TIGD4: variants seen among roughly 807,000 people sequenced by gnomAD.
The protein encoded by TIGD4 is tigger transposable element-derived protein 4.
Under a neutral mutation model 24.9 loss-of-function variants are expected in TIGD4, and 20 were observed. The observed-to-expected ratio is 0.80, with a 90% CI of 0.56 to 1.17. The LOEUF is 1.17. TIGD4 is among the 50% of genes most tolerant of loss of function. The pLI, the probability that TIGD4 is intolerant of heterozygous loss-of-function variation, is 0.00. For synonymous variants in TIGD4, 193 were observed against 211.0 expected (o/e 0.91, Z 0.74); for missense variants, 566 against 591.0 (o/e 0.96, Z 0.44).
At chr4:152,774,151 T>C (rs1578775162) in intron 1 of TIGD4, among the ~76,000 whole-genome samples, 1 of 151,824 alleles carries the variant, frequency 6.6e-6, no homozygotes, top group East Asian at 1.9e-4. Context: ...ACAGCAAGGA[T>C]TATAGAAAAA....
In TIGD4 at chr4:152,770,337, T is replaced by C. The variant is rs1157246113; in HGVS notation, c.668A>G (p.Asp223Gly). The change falls in exon 2 of 2, where the codon GAT (aspartate) becomes GGT (glycine). Residue 223 changes from aspartate to glycine, a missense_variant. Asp to Gly is a moderately conservative substitution (Grantham distance 94). Transcript: ENST00000304337. ...RITLVVGTNM[D>G]GSEKLPLLVI... is the part of the protein sequence containing the mutation. ...AAGCAAAGGAAGTTTCTCTGAGCCA[T>C]CCATGTTTGTGCCAACCACCAGAGT... is the stretch of plus-strand genomic sequence containing the variant. 3 of 1,614,128 alleles carry C rather than the reference T, an allele frequency of 1.9e-6. No homozygotes were observed. Among genetic ancestry groups the C allele is most frequent in the South Asian group, 1.1e-5 (1 of 91,074 alleles).
At chr4:152,775,505 T>G (rs1370336669) in intron 1 of TIGD4, among the ~76,000 whole-genome samples, 1 of 152,242 alleles carries the variant, frequency 6.6e-6, no homozygotes, top group African/African-American at 2.4e-5. Flanking sequence ...GTTTGCAGAA[T>G]TCAGTTCCTT....
chr4:152,772,350 A>G (rs1197004300), intron 1 of TIGD4, among the ~76,000 whole-genome samples: 1 of 152,154 alleles, frequency 6.6e-6, no homozygotes, highest in Non-Finnish European at 1.5e-5. Flanking sequence ...TATCTGTAAA[A>G]AAAAAAAGGT....
intron 1 of TIGD4, among the ~76,000 whole-genome samples, chr4:152,773,638 G>A (rs1394665149): frequency 1.8e-5 from 2 of 109,982 alleles, no homozygotes; most frequent in East Asian, 2.7e-4. Context: ...CATTTCCAAT[G>A]CCTTAAAAAA....
chr4:152,777,946 C>T (rs572837632), intron 1 of TIGD4, among the ~76,000 whole-genome samples: 1 of 152,136 alleles, frequency 6.6e-6, no homozygotes, highest in African/African-American at 2.4e-5. Context: ...AAGATTAATC[C>T]TGTGTATATA....
At position 152,769,598 on chromosome 4, in the gene TIGD4, TA is replaced by T. The variant is rs752214316; in HGVS notation, c.1406del (p.Leu469TyrfsTer8). ...CAGTTATTGCCTCAGATTTTGATGG[TA>T]AAGGGAGTTCAGTTCCTGGAGATCC... The part of the protein sequence containing the change: ...DDGSPGTELP[L>X]PSKSEAITAL... On this transcript the variant is annotated frameshift_variant, in exon 2 of 2. Coordinates refer to ENST00000304337, the MANE Select transcript of TIGD4 (RefSeq NM_145720.4). LOFTEE classifies it high-confidence loss of function. 4.8e-5 allele frequency: 78 copies of T among 1,613,810 alleles called. No homozygotes were observed. The African/African-American group carries it at 9.2e-4, about 19-fold the overall frequency.
Position 152,769,790 on chromosome 4 carries a change from C to T in TIGD4, c.1215G>A (p.Leu405=), listed in dbSNP as rs1361382098. Residue 405 remains leucine, a synonymous_variant, in exon 2 of 2, where the codon CTG becomes CTA. Coordinates refer to ENST00000304337, the MANE Select transcript of TIGD4 (RefSeq NM_145720.4). The part of the protein sequence containing the change: ...DTGLDLVADA[L]GAGVEFPEGL... ...CTTCAGGAAATTCTACTCCTGCCCCCAGAGCATCAGCAACCAAATCCAGAC... is the reference window on the plus strand; with the variant it reads ...CTTCAGGAAATTCTACTCCTGCCCCTAGAGCATCAGCAACCAAATCCAGAC... 8.1e-6 allele frequency: 13 copies of T among 1,613,416 alleles called. No individual in the cohort carries two copies. The highest frequency in any genetic ancestry group is 1.1e-5 in the Non-Finnish European group (13 of 1,179,934).
intron 1 of TIGD4, among the ~76,000 whole-genome samples, chr4:152,772,961 C>T (rs559756938): frequency 2.6e-5 from 4 of 152,244 alleles, no homozygotes; most frequent in South Asian, 2.1e-4. Flanking sequence ...CTGCCCGCCT[C>T]GGCTGCCTCC....
intron 1 of TIGD4, among the ~76,000 whole-genome samples, chr4:152,772,298 G>A (rs1435503997): frequency 2.6e-5 from 4 of 151,998 alleles, no homozygotes; most frequent in African/African-American, 9.7e-5. Context: ...GAACAGGAAG[G>A]ATAGTGACCA....
chr4:152,772,619 CTG>C (rs1730196025), intron 1 of TIGD4, among the ~76,000 whole-genome samples: 1 of 152,146 alleles, frequency 6.6e-6, no homozygotes, highest in South Asian at 2.1e-4. Flanking sequence ...TGTCTTTTGG[CTG>C]TGTGAATCTA....
At chr4:152,773,573 G>A (rs1194875647) in intron 1 of TIGD4, among the ~76,000 whole-genome samples, 1 of 148,296 alleles carries the variant, frequency 6.7e-6, no homozygotes, top group East Asian at 2.0e-4. Flanking sequence ...ACACTGGTGG[G>A]ACCTCCTGTG....
Position 152,771,022 on chromosome 4 carries a change from T to C in TIGD4, c.-18A>G. On this transcript the variant is annotated 5_prime_UTR_variant, in exon 2 of 2. Coordinates refer to ENST00000304337, the MANE Select transcript of TIGD4 (RefSeq NM_145720.4). ...TCTGCCATCTCAGCCAGTGCTTATG[T>C]AGAGATTACTCTTCTTAACTTCCTG... 3 of 1,569,926 alleles carry C rather than the reference T, an allele frequency of 1.9e-6. No individual in the cohort carries two copies. The highest frequency in any genetic ancestry group is 1.4e-5 in the African/African-American group (1 of 72,434).
intron 1 of TIGD4, among the ~76,000 whole-genome samples, chr4:152,771,752 C>T (rs1347766491): frequency 6.6e-6 from 1 of 152,142 alleles, no homozygotes; most frequent in Non-Finnish European, 1.5e-5. Context: ...TTTGAATTCT[C>T]ACTTGCCTTT....
At position 152,779,623 on chromosome 4, in the gene TIGD4, T is replaced by G. The variant is rs774929815; in HGVS notation, c.-680A>C. ...CCTCCTAACGTGTGAGGCTAGGGTG[T>G]GTGAATGAAAAAGAGGGAGGCGGAG... is the stretch of plus-strand genomic sequence containing the variant. On this transcript the variant is annotated 5_prime_UTR_variant, in exon 1 of 2. Coordinates refer to ENST00000304337, the MANE Select transcript of TIGD4 (RefSeq NM_145720.4). 1 of 152,012 alleles carries G rather than the reference T, an allele frequency of 6.6e-6. No homozygotes were observed. The highest frequency in any genetic ancestry group is 1.5e-5 in the Non-Finnish European group (1 of 68,058). 9.4% of individuals were successfully genotyped at this position (152,012 alleles called of 1,614,324 possible).
At chr4:152,776,958 T>C (rs1017965586) in intron 1 of TIGD4, among the ~76,000 whole-genome samples, 6 of 152,136 alleles carry the variant, frequency 3.9e-5, no homozygotes, top group African/African-American at 1.4e-4. Context: ...AAAGGATGGA[T>C]AGGTACATCA....
At position 152,771,497 on chromosome 4, in the gene TIGD4, G is replaced by C. The variant is rs1730171543; in HGVS notation, c.-493C>G. 1 of 166,202 alleles carries C rather than the reference G, an allele frequency of 6.0e-6. No individual in the cohort carries two copies. The highest frequency in any genetic ancestry group is 2.1e-4 in the South Asian group (1 of 4,832). The allele number at this position is 166,202 out of a possible 1,614,324, so 10.3% of individuals were successfully genotyped here. Reference sequence around the variant, plus strand: ...AATTTTCAAGTTTGTTCATGGTAAAGAAGAAAATGGTAGAATCCTTCTAGA... The same window carrying C: ...AATTTTCAAGTTTGTTCATGGTAAACAAGAAAATGGTAGAATCCTTCTAGA... On this transcript the variant is annotated 5_prime_UTR_variant, in exon 2 of 2. Transcript: ENST00000304337.
At position 152,770,123 on chromosome 4, in the gene TIGD4, T is replaced by C. The variant is rs1730138080; in HGVS notation, c.882A>G (p.Pro294=). ...CAATGGATTTTAGGTTCTTTACCTCTGGATGTGCTGGAAAAGACTCAACAA... is the reference window on the plus strand; with the variant it reads ...CAATGGATTTTAGGTTCTTTACCTCCGGATGTGCTGGAAAAGACTCAACAA... ...VIFVESFPAH[P]EVKNLKSIEL... is the part of the protein sequence containing the mutation. The change falls in exon 2 of 2, where the codon CCA becomes CCG. Residue 294 remains proline, a synonymous_variant. Coordinates refer to ENST00000304337, the MANE Select transcript of TIGD4 (RefSeq NM_145720.4). 6.2e-7 allele frequency: 1 copy of C among 1,614,124 alleles called. No individual in the cohort carries two copies.
chr4:152,772,045 T>TA (rs571737000), intron 1 of TIGD4, among the ~76,000 whole-genome samples: 2 of 152,128 alleles, frequency 1.3e-5, no homozygotes, highest in Non-Finnish European at 2.9e-5. Context: ...CAATTCTATT[T>TA]AAAAAAAATC....
chr4:152,776,529 T>C (rs533315335), intron 1 of TIGD4, among the ~76,000 whole-genome samples: 75 of 152,306 alleles, frequency 4.9e-4, no homozygotes, highest in Non-Finnish European at 9.4e-4. Flanking sequence ...CTTTCATCAG[T>C]AGTTTATACC....
Sources: gnomAD v4.1 joint callset for allele counts (sites outside exome capture counted in the v4.1 genomes callset) on GRCh38, gnomAD v4.1.1 for gene constraint, MANE v1.5 for transcripts, NCBI Gene and HGNC (gene_info 2026-07-23, HGNC 2026-07-21) for gene names.